Variants in IMMP2L observed in about 807,000 individuals in gnomAD.
The protein encoded by IMMP2L is inner mitochondrial membrane peptidase subunit 2, also known as mitochondrial inner membrane protease subunit 2.
IMMP2L carries 18 observed loss-of-function variants against 19.3 expected under a neutral mutation model. The ratio of observed to expected loss-of-function variants is 0.93; its 90% CI spans 0.64 to 1.38. The LOEUF (loss-of-function observed/expected upper bound fraction) is 1.38. IMMP2L is among the 40% of genes most tolerant of loss of function. IMMP2L has a pLI of 0.00. For synonymous variants in IMMP2L, 76 were observed against 73.0 expected (o/e 1.04, Z -0.21); for missense variants, 233 against 218.2 (o/e 1.07, Z -0.43).
Position 110,689,401 on chromosome 7 carries a change from T to C in IMMP2L, c.409-25680A>G, listed in dbSNP as rs1480112639. On this transcript the variant is annotated intron_variant, in intron 5 of 5. Coordinates refer to ENST00000405709, the MANE Select transcript of IMMP2L (RefSeq NM_032549.4). ...TCCATATGTTTTAGCTGCTATTAGATATTTTTAAACTCTTTATCTCTCTGT... is the reference window on the plus strand; with the variant it reads ...TCCATATGTTTTAGCTGCTATTAGACATTTTTAAACTCTTTATCTCTCTGT... Among the ~76,000 whole-genome samples the C allele has an allele frequency of 2.6e-5, 4 of 152,166 alleles. 1 individual carries two copies. The South Asian group carries it at 8.3e-4, about 31-fold the overall frequency.
At chr7:111,486,717 C>T (rs1842685813) in intron 3 of IMMP2L, among the ~76,000 whole-genome samples, 1 of 152,088 alleles carries the variant, frequency 6.6e-6, no homozygotes, top group Non-Finnish European at 1.5e-5. Flanking sequence ...ATTTTTGATC[C>T]TGACCAGTCA....
At chr7:110,953,231 T>G (rs114978584) in intron 4 of IMMP2L, among the ~76,000 whole-genome samples, 2 of 152,138 alleles carry the variant, frequency 1.3e-5, no homozygotes, top group African/African-American at 4.8e-5. Context: ...TTTTGTTACA[T>G]AGGTATATAC....
chr7:110,677,034 T>G (rs1425973841), intron 5 of IMMP2L, among the ~76,000 whole-genome samples: 1 of 152,190 alleles, frequency 6.6e-6, no homozygotes, highest in Non-Finnish European at 1.5e-5. Flanking sequence ...AGACACTGCT[T>G]TCCTGATCCC....
At chr7:111,185,573 T>C (rs548692660) in intron 3 of IMMP2L, among the ~76,000 whole-genome samples, 4 of 152,310 alleles carry the variant, frequency 2.6e-5, no homozygotes, top group East Asian at 3.9e-4. Context: ...AAATATATTA[T>C]GTAAACAAAA....
intron 4 of IMMP2L, among the ~76,000 whole-genome samples, chr7:110,892,544 T>C (rs547786887): frequency 1.3e-5 from 2 of 152,238 alleles, no homozygotes; most frequent in Admixed American, 1.3e-4. Context: ...CAGTCAATTT[T>C]CAGAGGGCTA....
intron 3 of IMMP2L, among the ~76,000 whole-genome samples, chr7:111,040,102 G>A (rs1305945790): frequency 6.6e-6 from 1 of 152,162 alleles, no homozygotes; most frequent in African/African-American, 2.4e-5. Flanking sequence ...GAGGCAGACA[G>A]AGGATGCAGT....
intron 5 of IMMP2L, among the ~76,000 whole-genome samples, chr7:110,862,112 A>G (rs2129542874): frequency 6.6e-6 from 1 of 152,164 alleles, no homozygotes; most frequent in South Asian, 2.1e-4. Context: ...TGGATAAGCA[A>G]CACATATTAC....
chr7:110,946,718 C>CTTTTTTTTTTT (rs754971058), intron 4 of IMMP2L, among the ~76,000 whole-genome samples: 3 of 114,178 alleles, frequency 2.6e-5, no homozygotes, highest in African/African-American at 3.5e-5. Flanking sequence ...CATTTAATAC[C>CTTTTTTTTTTT]TTTTTTTTTT....
At chr7:110,856,293 CA>C (rs1161306337) in intron 5 of IMMP2L, among the ~76,000 whole-genome samples, 1 of 151,836 alleles carries the variant, frequency 6.6e-6, no homozygotes, top group Non-Finnish European at 1.5e-5. Context: ...CATTTTGTGT[CA>C]AACTTTAAAA....
chr7:111,196,960 C>CT (rs1809568798), intron 3 of IMMP2L, among the ~76,000 whole-genome samples: 2 of 152,332 alleles, frequency 1.3e-5, no homozygotes, highest in Admixed American at 1.3e-4. Context: ...TTTGCCCTTA[C>CT]TGAGGCTGAC....
intron 1 of IMMP2L, among the ~76,000 whole-genome samples, chr7:111,560,560 C>G (rs924714773): frequency 1.3e-5 from 2 of 152,142 alleles, no homozygotes; most frequent in Admixed American, 1.3e-4. Context: ...ACTAGAAAGG[C>G]GGAATAATAA....
chr7:110,818,187 T>C (rs1802706636), intron 5 of IMMP2L, among the ~76,000 whole-genome samples: 2 of 151,830 alleles, frequency 1.3e-5, no homozygotes, highest in African/African-American at 4.8e-5. Context: ...ACCTACAAAA[T>C]GGGAGAAAAT....
At chr7:110,978,021 A>T (rs1018311598) in intron 3 of IMMP2L, among the ~76,000 whole-genome samples, 3 of 152,038 alleles carry the variant, frequency 2.0e-5, no homozygotes, top group Non-Finnish European at 4.4e-5. Context: ...CTCACGAAAA[A>T]CTAGGTAACA....
intron 3 of IMMP2L, among the ~76,000 whole-genome samples, chr7:111,374,114 C>T (rs1830477441): frequency 6.6e-6 from 1 of 152,022 alleles, no homozygotes; most frequent in Non-Finnish European, 1.5e-5. Flanking sequence ...ATAATGGGAG[C>T]TGCTCTGAAC....
At chr7:111,225,632 T>G (rs1225069680) in intron 3 of IMMP2L, among the ~76,000 whole-genome samples, 2 of 143,362 alleles carry the variant, frequency 1.4e-5, no homozygotes, top group East Asian at 4.1e-4. Context: ...GTCACAATTA[T>G]CCATCAAAAG....
At chr7:111,059,977 A>G (rs2129574368) in intron 3 of IMMP2L, among the ~76,000 whole-genome samples, 1 of 152,194 alleles carries the variant, frequency 6.6e-6, no homozygotes. Flanking sequence ...AAGTCCCATG[A>G]AAGTAGCCAA....
intron 3 of IMMP2L, among the ~76,000 whole-genome samples, chr7:111,465,259 C>G (rs1840524749): frequency 1.3e-5 from 2 of 151,858 alleles, no homozygotes; most frequent in Non-Finnish European, 2.9e-5. Flanking sequence ...TAATTCTGCT[C>G]TCAGTCAAGA....
chr7:110,982,779 G>A (rs940868555), intron 3 of IMMP2L, among the ~76,000 whole-genome samples: 1 of 152,064 alleles, frequency 6.6e-6, no homozygotes, highest in African/African-American at 2.4e-5. Flanking sequence ...TACAACAAAT[G>A]GATAAAGGTA....
intron 3 of IMMP2L, among the ~76,000 whole-genome samples, chr7:111,461,854 T>C (rs1840163321): frequency 6.6e-6 from 1 of 152,060 alleles, no homozygotes; most frequent in South Asian, 2.1e-4. Context: ...ACTTGCAACG[T>C]CACAGCATTC....
Sources: gnomAD v4.1 joint callset for allele counts (sites outside exome capture counted in the v4.1 genomes callset) on GRCh38, gnomAD v4.1.1 for gene constraint, MANE v1.5 for transcripts, NCBI Gene and HGNC (gene_info 2026-07-23, HGNC 2026-07-21) for gene names.